ZC3H13: variants seen among roughly 807,000 people sequenced by gnomAD.
The protein encoded by ZC3H13 is zinc finger CCCH domain-containing protein 13.
Under a neutral mutation model 204.1 loss-of-function variants are expected in ZC3H13, and 64 were observed. The ratio of observed to expected loss-of-function variants is 0.31; its 90% CI spans 0.26 to 0.39. The LOEUF (loss-of-function observed/expected upper bound fraction) is 0.39, where lower values mean the gene tolerates loss of function less well. Ranked by LOEUF, ZC3H13 falls within the 10% of genes least tolerant of loss-of-function variation. The pLI, the probability that ZC3H13 is intolerant of heterozygous loss-of-function variation, is 1.00. For synonymous variants in ZC3H13, 667 were observed against 693.7 expected (o/e 0.96, Z 0.60); for missense variants, 1,833 against 2,082.7 (o/e 0.88, Z 2.33).
chr13:46,045,895 G>T (rs2043919087), intron 1 of ZC3H13, among the ~76,000 whole-genome samples: 1 of 152,104 alleles, frequency 6.6e-6, no homozygotes, highest in African/African-American at 2.4e-5. Flanking sequence ...GTAACTCAAA[G>T]TTGTTAACCA....
rs1952358753 is a variant in ZC3H13, at chr13:45,969,194, G to T, written c.3350C>A (p.Ala1117Glu). Residue 1117 changes from alanine (A) to glutamate (E), a missense_variant, in exon 14 of 19, where the codon GCA becomes GAA. Around this residue, in one of 5 missense-constraint regions of ZC3H13, gnomAD observed 1,574 missense variants for 1,757.2 expected, o/e 0.90. Coordinates refer to ENST00000679008, the MANE Select transcript of ZC3H13 (RefSeq NM_001330564.2). ...AGCAGCAGTAGTGGCAGCAAGAGTT[G>T]CAGGCACAGTTGTAGCAGTGGCAGT... ...VATATATTVP[A>E]TLAATTAAAA... The T allele has an allele frequency of 3.1e-6, 5 of 1,613,902 alleles. No homozygotes were observed. The highest frequency in any genetic ancestry group is 3.4e-6 in the Non-Finnish European group (4 of 1,179,996).
rs373063900 is a variant in ZC3H13 at position 46,042,294 on chromosome 13, A to G, written c.228-19T>C. On this transcript the variant is annotated intron_variant, in intron 3 of 18. Coordinates refer to ENST00000679008, the MANE Select transcript of ZC3H13 (RefSeq NM_001330564.2). Reference sequence around the variant, plus strand: ...TGGTGACCTTTGAACCAAAACACAGAAACAAAACAAAAAACGAAACAAAAC... The same window carrying G: ...TGGTGACCTTTGAACCAAAACACAGGAACAAAACAAAAAACGAAACAAAAC... 1.3e-4 allele frequency: 202 copies of G among 1,574,182 alleles called. 1 individual carries two copies. The African/African-American group carries it at 2.6e-3, about 20-fold the overall frequency.
chr13:45,967,600 A>T lies in ZC3H13; in HGVS notation c.4225T>A (p.Ser1409Thr), dbSNP rs1386037949. 12 of 1,613,882 alleles carry T rather than the reference A, an allele frequency of 7.4e-6. No homozygotes were observed. The highest frequency in any genetic ancestry group is 9.3e-6 in the Non-Finnish European group (11 of 1,179,958). Residue 1409 changes from serine to threonine, a missense_variant, in exon 15 of 19, where the codon TCT (serine) becomes ACT (threonine). This residue lies in a region of ZC3H13 where 1,574 missense variants were observed against 1,757.2 expected (regional missense o/e 0.90). Transcript: ENST00000679008. ...ERDLESTSRD[S>T]LALDKERMDK... ...ATTCTCTCTTTATCCAAGGCTAGAG[A>T]GTCTCGGGAAGTGCTTTCTAGATCC...
Position 45,967,794 on chromosome 13 carries a change from T to A in ZC3H13, c.4031A>T (p.Glu1344Val). 6.2e-7 allele frequency: 1 copy of A among 1,612,558 alleles called. No individual in the cohort carries two copies. ...CCTTTTGTCTCGTTCTCTCTCTCGT[T>A]CTCGTTCTCGCAATCTATCTCGATC... ...NRDRDRLRER[E>V]RERERDKRRD... The change falls in exon 15 of 19, where the codon GAA becomes GTA. Residue 1344 changes from glutamate to valine, a missense_variant. By Grantham distance (121) the Glu-to-Val change is moderately radical (BLOSUM62 -2). Coordinates refer to ENST00000679008, the MANE Select transcript of ZC3H13 (RefSeq NM_001330564.2).
At chr13:46,047,668 C>A (rs978633458) in intron 1 of ZC3H13, among the ~76,000 whole-genome samples, 7 of 151,844 alleles carry the variant, frequency 4.6e-5, no homozygotes, top group Admixed American at 1.3e-4. Context: ...TTGAGAAAAA[C>A]TTTTTTAACA....
At chr13:45,968,619 CT>C in intron 14 of ZC3H13, 128 bp downstream of exon 14, 10 of 1,253,134 alleles carry the variant, frequency 8.0e-6, no homozygotes, top group Non-Finnish European at 1.1e-5. Flanking sequence ...CTAAACTTTT[CT>C]TTAAAAAGTT....
At position 45,985,483 on chromosome 13, in the gene ZC3H13, C is replaced by T; in HGVS notation, c.1534G>A (p.Gly512Ser). Reference protein sequence around the residue: ...RDAHDYRDREGRDTHRKEDTY... With the variant: ...RDAHDYRDRESRDTHRKEDTY... Reference sequence around the variant, plus strand: ...TCCTCCTTTCGATGAGTATCTCGACCTTCACGGTCCCTGTAGTCATGGGCA... The same window carrying T: ...TCCTCCTTTCGATGAGTATCTCGACTTTCACGGTCCCTGTAGTCATGGGCA... Residue 512 changes from glycine (G) to serine (S), a missense_variant, in exon 10 of 19, where the codon GGT becomes AGT. Around this residue, in one of 5 missense-constraint regions of ZC3H13, gnomAD observed 1,574 missense variants for 1,757.2 expected, o/e 0.90. Coordinates refer to ENST00000679008, the MANE Select transcript of ZC3H13 (RefSeq NM_001330564.2). 1.2e-6 allele frequency: 2 copies of T among 1,614,198 alleles called. No individual in the cohort carries two copies. Among genetic ancestry groups the T allele is most frequent in the East Asian group, 2.2e-5 (1 of 44,880 alleles).
chr13:46,019,664 C>T (rs924334858), intron 5 of ZC3H13, among the ~76,000 whole-genome samples: 2 of 152,124 alleles, frequency 1.3e-5, no homozygotes, highest in Non-Finnish European at 1.5e-5. Context: ...AAAATAAATG[C>T]TTATTGATGA....
chr13:45,964,832 C>A (rs1951957299), intron 16 of ZC3H13, among the ~76,000 whole-genome samples: 1 of 152,040 alleles, frequency 6.6e-6, no homozygotes. Context: ...AAATAATTAC[C>A]AAATTTAGAA....
chr13:46,029,578 G>A (rs991864090), intron 4 of ZC3H13, among the ~76,000 whole-genome samples: 16 of 151,586 alleles, frequency 1.1e-4, no homozygotes, highest in African/African-American at 2.7e-4. Flanking sequence ...ACAGGCGCCC[G>A]CTACCACGCC....
chr13:46,027,079 GA>G (rs1179085996), intron 4 of ZC3H13, among the ~76,000 whole-genome samples: 1 of 151,864 alleles, frequency 6.6e-6, no homozygotes, highest in African/African-American at 2.4e-5. Flanking sequence ...AAAGCAAAAT[GA>G]AAAAATAAAA....
rs774254680 is a variant in ZC3H13 at position 45,969,080 on chromosome 13, T to C, written c.3464A>G (p.Asp1155Gly). The change falls in exon 14 of 19, where the codon GAC becomes GGC. Residue 1155 changes from aspartate (D) to glycine (G), a missense_variant. Coordinates refer to ENST00000679008, the MANE Select transcript of ZC3H13 (RefSeq NM_001330564.2). ...NTTNNTFANE[D>G]SHRKCHRTRV... ...TGTTCTGTGGCATTTTCTGTGTGAG[T>C]CTTCATTGGCAAAAGTATTATTGGT... 6 of 1,614,150 alleles carry C rather than the reference T, an allele frequency of 3.7e-6. No homozygotes were observed. Among genetic ancestry groups the C allele is most frequent in the Non-Finnish European group, 5.1e-6 (6 of 1,180,024 alleles).
intron 8 of ZC3H13, among the ~76,000 whole-genome samples, chr13:45,996,183 A>AAT (rs2040322754): frequency 6.6e-6 from 1 of 152,244 alleles, no homozygotes; most frequent in African/African-American, 2.4e-5. Context: ...AACTATAAAG[A>AAT]ATATATACTA....
At chr13:46,015,913 A>G (rs1252635688) in intron 5 of ZC3H13, among the ~76,000 whole-genome samples, 2 of 152,078 alleles carry the variant, frequency 1.3e-5, no homozygotes, top group African/African-American at 4.8e-5. Flanking sequence ...CAGAAAACAT[A>G]AAGAATTCCT....
In ZC3H13 at chr13:45,957,074, A is replaced by C; in HGVS notation, c.*53T>G. The C allele has an allele frequency of 7.6e-7, 1 of 1,317,040 alleles. No homozygotes were observed. Among genetic ancestry groups the C allele is most frequent in the Non-Finnish European group, 9.8e-7 (1 of 1,018,344 alleles). 81.6% of individuals were successfully genotyped at this position (1,317,040 alleles called of 1,614,324 possible). On this transcript the variant is annotated 3_prime_UTR_variant, in exon 19 of 19. Transcript: ENST00000679008. ...TCAAACCAAAGAACTTTGCAAAAGA[A>C]TATGCACTGCTGAAGGAAGACAGTA... is the stretch of plus-strand genomic sequence containing the variant.
intron 5 of ZC3H13, among the ~76,000 whole-genome samples, chr13:46,016,185 T>G (rs943148737): frequency 2.0e-5 from 3 of 152,100 alleles, no homozygotes; most frequent in African/African-American, 7.2e-5. Flanking sequence ...AGGAACACAT[T>G]CACACTCCAC....
At chr13:46,022,615 T>C (rs1356158038) in intron 4 of ZC3H13, among the ~76,000 whole-genome samples, 1 of 151,982 alleles carries the variant, frequency 6.6e-6, no homozygotes, top group Non-Finnish European at 1.5e-5. Context: ...GATTACTATG[T>C]GTTGTAAATT....
intron 1 of ZC3H13, among the ~76,000 whole-genome samples, chr13:46,048,158 G>A (rs1003026277): frequency 6.6e-6 from 1 of 152,068 alleles, no homozygotes; most frequent in Non-Finnish European, 1.5e-5. Flanking sequence ...AGGGTTCCAG[G>A]TATTAACTCT....
chr13:46,045,177 T>C, intron 2 of ZC3H13, 113 bp from the exon 3 acceptor site: 1 of 1,035,732 alleles, frequency 9.7e-7, no homozygotes, highest in Non-Finnish European at 1.4e-6. Context: ...CTGTGATATA[T>C]TACTCCCCAA....
Sources: allele counts gnomAD v4.1 joint callset (sites outside exome capture counted in the v4.1 genomes callset), GRCh38; gene constraint gnomAD v4.1.1; regional missense constraint gnomAD v4.1.1; transcripts MANE v1.5; gene names NCBI Gene and HGNC (gene_info 2026-07-23, HGNC 2026-07-21).